The following SI variants were observed in gnomAD, a reference collection of about 807,000 sequenced individuals.
The protein encoded by SI is sucrase-isomaltase, also known as sucrase-isomaltase, intestinal.
In SI, 235 loss-of-function variants were observed where a neutral mutation model predicts 253.3. The observed-to-expected ratio is 0.93, with a 90% CI of 0.83 to 1.03. The LOEUF is 1.03. Among genes scored for constraint, SI ranks in the 50% least tolerant of loss-of-function variants. The pLI is 0.00. For synonymous variants in SI, 819 were observed against 712.0 expected, an observed-to-expected ratio of 1.15 and a Z score of -2.39; for missense variants, 2,442 against 2,211.1, an observed-to-expected ratio of 1.10 and a Z score of -2.09.
intron 31 of SI, 49 bp downstream of exon 31, chr3:165,017,499 A>T (rs1254419531): frequency 6.4e-7 from 1 of 1,562,294 alleles, no homozygotes; most frequent in African/African-American, 1.4e-5. Flanking sequence ...ATTTCATTCT[A>T]CTTTTACGTA....
At chr3:165,065,225 G>A (rs1159617859) in intron 7 of SI, 36 bp downstream of exon 7, 2 of 1,341,346 alleles carry the variant, frequency 1.5e-6, no homozygotes, top group Non-Finnish European at 2.1e-6. Context: ...CTGCAATATA[G>A]TGATTTTATT....
chr3:164,996,607 A>G lies in SI; in HGVS notation c.4620T>C (p.His1540=). 6.2e-7 allele frequency: 1 copy of G among 1,610,176 alleles called. No individual in the cohort carries two copies. The highest frequency in any genetic ancestry group is 1.1e-5 in the South Asian group (1 of 91,000). ...CAAGTTGCATCCAGCGGGTACAGAG[A>G]TGATATTCTGAGTTGTTGAAAAAAC... ...ICGFFNNSEY[H]LCTRWMQLGA... The change falls in exon 40 of 48, where the codon CAT becomes CAC. Residue 1540 remains histidine, a synonymous_variant. Coordinates refer to ENST00000264382, the MANE Select transcript of SI (RefSeq NM_001041.4).
chr3:165,006,773 A>G, intron 37 of SI, 43 bp downstream of exon 37: 1 of 1,564,340 alleles, frequency 6.4e-7, no homozygotes, highest in South Asian at 1.1e-5. Context: ...GTAAGAACCA[A>G]AGAATAAAAG....
chr3:165,003,021 C>A (rs1169385529), intron 37 of SI, among the ~76,000 whole-genome samples: 4 of 151,918 alleles, frequency 2.6e-5, no homozygotes, highest in African/African-American at 9.6e-5. Context: ...TGGAAATGGA[C>A]TTTACATACG....
chr3:165,041,171 C>A (rs1343490694), intron 17 of SI, 77 bp from the exon 18 acceptor site: 2 of 1,294,362 alleles, frequency 1.5e-6, no homozygotes, highest in African/African-American at 1.5e-5. Context: ...TTTTAATCTG[C>A]TTTTTAAAGC....
chr3:165,003,927 G>A (rs1344907431), intron 37 of SI, among the ~76,000 whole-genome samples: 2 of 151,990 alleles, frequency 1.3e-5, no homozygotes, highest in South Asian at 4.1e-4. Context: ...ATAACAAATG[G>A]TGGGAGTAAG....
chr3:165,050,885 T>A (rs1378595834), intron 13 of SI, among the ~76,000 whole-genome samples: 2 of 152,038 alleles, frequency 1.3e-5, no homozygotes, highest in African/African-American at 4.8e-5. Context: ...CAGCTTTCAA[T>A]CCTCCCTTTA....
chr3:165,030,806 T>A lies in SI; in HGVS notation c.2798A>T (p.Gln933Leu). ...LGRNFSVQWN[Q>L]IFSENERFNC... ...AAATCTTTCATTTTCTGAGAAAATT[T>A]GATTCCATTGAACACTAAAGTTTCT... The change falls in exon 25 of 48, where the codon CAA (glutamine) becomes CTA (leucine). Residue 933 changes from glutamine to leucine, a missense_variant. Physicochemically the swap from Gln to Leu is moderately radical, Grantham distance 113 (BLOSUM62 -2). Coordinates refer to ENST00000264382, the MANE Select transcript of SI (RefSeq NM_001041.4). 4 of 1,605,862 alleles carry A rather than the reference T, an allele frequency of 2.5e-6. No individual in the cohort carries two copies. The highest frequency in any genetic ancestry group is 3.4e-6 in the Non-Finnish European group (4 of 1,176,288).
chr3:165,019,517 C>A lies in SI; in HGVS notation c.3423+85G>T, dbSNP rs1037419872. 29 of 1,245,906 alleles carry A rather than the reference C, an allele frequency of 2.3e-5. No individual in the cohort carries two copies. In the South Asian group the frequency reaches 2.5e-4, roughly 11 times the overall value. The allele number at this position is 1,245,906 out of a possible 1,614,324, so 77.2% of individuals were successfully genotyped here. The stretch of plus-strand genomic sequence containing the variant: ...TAATGCCTTTGTCATTACTTCAATC[C>A]TAAAGCACAGGCCCATAAAGAAGTG... On this transcript the variant is annotated intron_variant, in intron 28 of 47. Transcript: ENST00000264382.
intron 38 of SI, 141 bp from the exon 39 acceptor site, chr3:164,996,913 A>T (rs1039248856): frequency 9.6e-5 from 47 of 487,672 alleles, no homozygotes; most frequent in Non-Finnish European, 1.5e-4. Context: ...TAATATAATT[A>T]TCTCATAATG....
rs368867882 is a variant in SI, at chr3:165,014,777, CAT to C, written c.3999+344_3999+345del. ...CAAAACATGTTGTTGCTACTATTAA[CAT>C]ATGTTTTCAAGAGAAGTGAACATTT... On this transcript the variant is annotated intron_variant, in intron 33 of 47. Transcript: ENST00000264382. Among the ~76,000 whole-genome samples the C allele has an allele frequency of 3.1e-3, 479 of 152,128 alleles. 8 individuals are homozygous for C. The highest frequency in any genetic ancestry group is 0.011 in the African/African-American group (460 of 41,532).
rs766865845 is a variant in SI at position 165,019,734 on chromosome 3, G to C, written c.3291C>G (p.Asp1097Glu). 1.9e-6 allele frequency: 3 copies of C among 1,612,286 alleles called. No individual in the cohort carries two copies. Among genetic ancestry groups the C allele is most frequent in the African/African-American group, 1.3e-5 (1 of 74,764 alleles). The change falls in exon 28 of 48, where the codon GAC becomes GAG. Residue 1097 changes from aspartate (D) to glutamate (E), a missense_variant. Transcript: ENST00000264382. ...DSWLPGFAFN[D>E]QFIQISTRLP... ...GGCGAGTCGATATTTGAATGAACTGGTCATTAAAAGCAAATCCAGGCAGCC... is the reference window on the plus strand; with the variant it reads ...GGCGAGTCGATATTTGAATGAACTGCTCATTAAAAGCAAATCCAGGCAGCC...
chr3:165,039,940 C>T lies in SI; in HGVS notation c.2191G>A (p.Asp731Asn), dbSNP rs1011926780. 6.2e-7 allele frequency: 1 copy of T among 1,613,278 alleles called. No individual in the cohort carries two copies. The highest frequency in any genetic ancestry group is 2.2e-5 in the East Asian group (1 of 44,824). ...GCAGGGCCCCACAAAAACTCAGTGT[C>T]CTCAATCCAGCTGTTCGTATCCTCA... The part of the protein sequence containing the change: ...FYEDTNSWIE[D>N]TEFLWGPALL... The change falls in exon 19 of 48, where the codon GAC (aspartate) becomes AAC (asparagine). Residue 731 changes from aspartate to asparagine, a missense_variant. Asp to Asn is a conservative substitution (Grantham distance 23). Transcript: ENST00000264382.
Position 164,992,362 on chromosome 3 carries a change from T to G in SI, c.4877A>C (p.Lys1626Thr). The change falls in exon 42 of 48, where the codon AAG (lysine) becomes ACG (threonine). Residue 1626 changes from lysine to threonine, a missense_variant. Lys to Thr is a moderately conservative substitution (Grantham distance 78). Coordinates refer to ENST00000264382, the MANE Select transcript of SI (RefSeq NM_001041.4). ...FDEKPTWDIF[K>T]QFLWGPAFMV... Reference sequence around the variant, plus strand: ...AAATGCTGGACCCCATAAGAACTGCTTGAATATATCCCAGGTTGGTTTTTC... The same window carrying G: ...AAATGCTGGACCCCATAAGAACTGCGTGAATATATCCCAGGTTGGTTTTTC... 6.2e-7 allele frequency: 1 copy of G among 1,613,180 alleles called. No individual in the cohort carries two copies. The highest frequency in any genetic ancestry group is 8.5e-7 in the Non-Finnish European group (1 of 1,179,406).
intron 32 of SI, 103 bp from the exon 33 acceptor site, chr3:165,015,336 A>G: frequency 1.3e-6 from 1 of 767,374 alleles, no homozygotes; most frequent in South Asian, 1.5e-5. Context: ...TATCATAATA[A>G]TGTGCTCTCA....
chr3:165,067,335 C>A lies in SI; in HGVS notation c.635+5G>T, dbSNP rs746039888. ...ACTTATATAATTGTAAAATAATACA[C>A]TTACAAAGTTTTACCGTTGCTTTTC... On this transcript the variant is annotated splice_donor_5th_base_variant and intron_variant, in intron 6 of 47. Transcript: ENST00000264382. 2.1e-5 allele frequency: 34 copies of A among 1,595,522 alleles called. No individual in the cohort carries two copies. Among genetic ancestry groups the A allele is most frequent in the Non-Finnish European group, 2.8e-5 (33 of 1,164,970 alleles).
chr3:165,037,943 A>C lies in SI; in HGVS notation c.2383T>G (p.Tyr795Asp). The stretch of plus-strand genomic sequence containing the variant: ...TCTGGTTCTTGAATGGGGATGATAT[A>C]ACCTCCTCTAAGATGTAATCCTATT... ...DKIGLHLRGG[Y>D]IIPIQEPDVT... Residue 795 changes from tyrosine (Y) to aspartate (D), a missense_variant, in exon 21 of 48, where the codon TAT (tyrosine) becomes GAT (aspartate). Physicochemically the swap from Tyr to Asp is radical, Grantham distance 160 (BLOSUM62 -3). Transcript: ENST00000264382. 6.2e-7 allele frequency: 1 copy of C among 1,611,384 alleles called. No homozygotes were observed. Among genetic ancestry groups the C allele is most frequent in the Non-Finnish European group, 8.5e-7 (1 of 1,178,312 alleles).
At chr3:165,080,021 T>C (rs969519105), upstream of SI, among the ~76,000 whole-genome samples, 1 of 151,984 alleles carries the variant, frequency 6.6e-6, no homozygotes, top group African/African-American at 2.4e-5. Context: ...GTAAATTTTG[T>C]ATACCAATTT....
chr3:165,019,008 AAATAT>A (rs1289658262), intron 28 of SI, among the ~76,000 whole-genome samples: 1 of 151,870 alleles, frequency 6.6e-6, no homozygotes, highest in African/African-American at 2.4e-5. Flanking sequence ...ATTTTCATTA[AAATAT>A]ATTTTTTATG....
Sources: allele counts gnomAD v4.1 joint callset (sites outside exome capture counted in the v4.1 genomes callset), GRCh38; gene constraint gnomAD v4.1.1; transcripts MANE v1.5; gene names NCBI Gene and HGNC (gene_info 2026-07-23, HGNC 2026-07-21).